The following PUDP variants were observed in gnomAD, a reference collection of about 807,000 sequenced individuals.
The protein encoded by PUDP is pseudouridine 5'-phosphatase.
Under a neutral mutation model 9.4 loss-of-function variants are expected in PUDP, and 8 were observed. That is an observed-to-expected ratio of 0.85 (90% CI 0.50 to 1.53). The LOEUF is 1.53. Among genes scored for constraint, PUDP ranks in the 40% most tolerant of loss-of-function variants. The pLI is 0.00. For missense variants in PUDP, 188 were observed against 189.7 expected, an observed-to-expected ratio of 0.99 and a Z score of 0.05; for synonymous variants, 99 against 80.7, an observed-to-expected ratio of 1.23 and a Z score of -1.22.
chrX:6,805,411 C>G (rs948440528), intron 3 of PUDP, among the ~76,000 whole-genome samples: 3 of 111,568 alleles, frequency 2.7e-5, no homozygotes, highest in Non-Finnish European at 5.6e-5. Context: ...GTCCTAAGGG[C>G]AGAGAGACCC....
intron 1 of PUDP, among the ~76,000 whole-genome samples, chrX:6,720,664 A>AAAG (rs1569087033): frequency 9.6e-6 from 1 of 104,108 alleles, no homozygotes; most frequent in Non-Finnish European, 2.0e-5. Context: ...CACTATCCCC[A>AAAG]AATAATAATA....
At chrX:6,892,014 G>C (rs1411987175) in intron 3 of PUDP, among the ~76,000 whole-genome samples, 2 of 111,975 alleles carry the variant, frequency 1.8e-5, no homozygotes, top group Admixed American at 1.9e-4. Flanking sequence ...CAGCACAGTT[G>C]CTGATTGAAC....
At chrX:7,122,314 T>G (rs1440589838) in intron 1 of PUDP, among the ~76,000 whole-genome samples, 5 of 111,163 alleles carry the variant, frequency 4.5e-5, no homozygotes, top group Non-Finnish European at 9.4e-5. Flanking sequence ...TGAATAATAC[T>G]GCTATGTACA....
chrX:6,769,016 G>T (rs1360015863), intron 3 of PUDP, among the ~76,000 whole-genome samples: 1 of 111,820 alleles, frequency 8.9e-6, no homozygotes, highest in Non-Finnish European at 1.9e-5. Context: ...TGTACATAGA[G>T]AAGGCGCTCA....
intron 3 of PUDP, among the ~76,000 whole-genome samples, chrX:6,951,375 G>A (rs148976824): frequency 0.023 from 2,590 of 110,259 alleles, 41 homozygotes; most frequent in Middle Eastern, 0.057. Context: ...ATTTTGTTCT[G>A]TATTCTTCCA....
At position 6,883,837 on chromosome X, in the gene PUDP, CT is replaced by C. The variant is rs900984100; in HGVS notation, c.*247+93295del. Among the ~76,000 whole-genome samples, 190 of 110,906 alleles carry C rather than the reference CT, an allele frequency of 1.7e-3. 1 individual carries two copies. Among genetic ancestry groups the C allele is most frequent in the African/African-American group, 5.8e-3 (176 of 30,595 alleles). ...TCTGTCCACATTTTTAATGTTCATT[CT>C]TTTTTTTGTTTGTTTTTTTTGAGAC... On this transcript the variant is annotated intron_variant and NMD_transcript_variant, in intron 3 of 3. Coordinates refer to the PUDP transcript ENST00000655425.
At chrX:6,876,639 ATGTGTGTGTGTGTGTG>A (rs111935866) in intron 3 of PUDP, among the ~76,000 whole-genome samples, 1 of 92,799 alleles carries the variant, frequency 1.1e-5, no homozygotes, top group African/African-American at 3.8e-5. Flanking sequence ...CTAAAATGTT[ATGTGTGTGTGTGTGTG>A]TGTGTGTGTG....
Position 7,132,346 on chromosome X carries a change from G to A in PUDP, c.61+15707C>T, listed in dbSNP as rs185706096. ...CAACAGAAAGTGCCACCTGCCTTCC[G>A]CCATCTGAATGGAGCCACCTAAATG... On this transcript the variant is annotated intron_variant, in intron 1 of 3. Coordinates refer to ENST00000381077, the MANE Select transcript of PUDP (RefSeq NM_012080.5). Among the ~76,000 whole-genome samples, 19 of 112,153 alleles carry A rather than the reference G, an allele frequency of 1.7e-4. 1 individual carries two copies. The East Asian group carries it at 4.5e-3, about 27-fold the overall frequency.
At chrX:6,756,003 A>G (rs1925165109) in intron 3 of PUDP, among the ~76,000 whole-genome samples, 1 of 111,528 alleles carries the variant, frequency 9.0e-6, no homozygotes, top group Admixed American at 9.6e-5. Context: ...CACAGAGATC[A>G]AAGTTAAAGA....
Position 7,138,197 on chromosome X carries a change from T to C in PUDP, c.61+9856A>G, listed in dbSNP as rs768445603. Among the ~76,000 whole-genome samples the C allele has an allele frequency of 4.5e-5, 5 of 111,258 alleles. No individual in the cohort carries two copies. The East Asian group carries it at 8.5e-4, about 19-fold the overall frequency. On this transcript the variant is annotated intron_variant, in intron 1 of 3. Coordinates refer to ENST00000381077, the MANE Select transcript of PUDP (RefSeq NM_012080.5). Reference sequence around the variant, plus strand: ...TGGAAACAATCAGACAAATCCAGAATGTAGGCTGGTGTCTCGATAACCATC... The same window carrying C: ...TGGAAACAATCAGACAAATCCAGAACGTAGGCTGGTGTCTCGATAACCATC...
At chrX:6,707,464 C>T (rs58683338) in intron 1 of PUDP, among the ~76,000 whole-genome samples, 39,311 of 110,550 alleles carry the variant, frequency 0.36, 5,282 homozygotes, top group Non-Finnish European at 0.41. Flanking sequence ...TCATGTATAA[C>T]CAGTGGGAGC....
intron 3 of PUDP, among the ~76,000 whole-genome samples, chrX:6,807,282 C>T (rs1926066518): frequency 8.9e-6 from 1 of 112,071 alleles, no homozygotes; most frequent in South Asian, 3.8e-4. Flanking sequence ...ATCCAGGGAC[C>T]TGCACAGATG....
intron 3 of PUDP, among the ~76,000 whole-genome samples, chrX:6,746,163 T>C (rs1443457732): frequency 1.8e-5 from 2 of 112,459 alleles, no homozygotes; most frequent in Non-Finnish European, 3.8e-5. Context: ...ATGTTCTTCC[T>C]ATGCAACTCC....
intron 3 of PUDP, among the ~76,000 whole-genome samples, chrX:6,762,256 A>G (rs1254980461): frequency 8.9e-6 from 1 of 112,090 alleles, no homozygotes; most frequent in African/African-American, 3.2e-5. Flanking sequence ...CCAATGGTCT[A>G]TATAGAATTC....
chrX:6,970,732 G>A (rs961572837), intron 3 of PUDP, among the ~76,000 whole-genome samples: 3 of 111,618 alleles, frequency 2.7e-5, no homozygotes, highest in Non-Finnish European at 5.6e-5. Flanking sequence ...ACAAGAGGAG[G>A]AAAAGAGAGG....
chrX:6,767,356 A>G (rs1925297658), intron 3 of PUDP, among the ~76,000 whole-genome samples: 1 of 112,805 alleles, frequency 8.9e-6, no homozygotes, highest in Admixed American at 9.4e-5. Context: ...CTGCTTTATT[A>G]CAGCACTAGT....
intron 1 of PUDP, among the ~76,000 whole-genome samples, chrX:7,145,760 C>T (rs1054569193): frequency 9.0e-6 from 1 of 111,589 alleles, no homozygotes. Context: ...TAACAATCCT[C>T]CATGAAACTA....
intron 3 of PUDP, among the ~76,000 whole-genome samples, chrX:6,751,582 A>G (rs1039365520): frequency 1.8e-5 from 2 of 111,705 alleles, no homozygotes; most frequent in Non-Finnish European, 3.8e-5. Flanking sequence ...CCACAATCCT[A>G]TTAGGTAAGG....
chrX:6,804,096 C>G (rs958945760), intron 3 of PUDP, among the ~76,000 whole-genome samples: 1 of 111,333 alleles, frequency 9.0e-6, no homozygotes, highest in South Asian at 3.8e-4. Context: ...TCAAAGGCTC[C>G]AAAATTAATG....
Sources: gnomAD v4.1 joint callset for allele counts (sites outside exome capture counted in the v4.1 genomes callset) on GRCh38, gnomAD v4.1.1 for gene constraint, MANE v1.5 for transcripts, NCBI Gene and HGNC (gene_info 2026-07-23, HGNC 2026-07-21) for gene names.